The following JAK1 variants were observed in gnomAD, a reference collection of about 807,000 sequenced individuals.
The protein encoded by JAK1 is tyrosine-protein kinase JAK1.
JAK1 carries 16 observed loss-of-function variants against 136.6 expected under a neutral mutation model. The observed-to-expected ratio is 0.12, with a 90% CI of 0.08 to 0.18. The LOEUF (loss-of-function observed/expected upper bound fraction) is 0.18, where lower values mean the gene tolerates loss of function less well. JAK1 is among the 10% of genes least tolerant of loss of function. The pLI is 1.00. For synonymous variants in JAK1, 492 were observed against 519.5 expected (o/e 0.95, Z 0.72); for missense variants, 859 against 1,450.1 (o/e 0.59, Z 6.62).
chr1:65,017,870 A>G (rs1279251853), intron 2 of JAK1, among the ~76,000 whole-genome samples: 1 of 151,112 alleles, frequency 6.6e-6, no homozygotes, highest in African/African-American at 2.4e-5. Flanking sequence ...GCTGGAGTTC[A>G]GTGGCAGGAT....
intron 2 of JAK1, among the ~76,000 whole-genome samples, chr1:65,012,700 G>A (rs960929787): frequency 1.3e-5 from 2 of 151,586 alleles, no homozygotes; most frequent in African/African-American, 4.9e-5. Context: ...GCTGAGGCAG[G>A]AGAATCACTT....
intron 1 of JAK1, chr1:64,942,343 C>A (rs1051567249): frequency 6.6e-6 from 1 of 152,140 alleles, no homozygotes; most frequent in Non-Finnish European, 1.5e-5. Context: ...CAATACATGA[C>A]ACTTTTGGCA....
chr1:65,017,794 A>C (rs1646902641), intron 2 of JAK1, among the ~76,000 whole-genome samples: 1 of 152,144 alleles, frequency 6.6e-6, no homozygotes, highest in South Asian at 2.1e-4. Context: ...TCATAGTGGA[A>C]AAAATTTTTA....
At chr1:65,004,994 G>C (rs190969369) in intron 2 of JAK1, among the ~76,000 whole-genome samples, 4 of 152,252 alleles carry the variant, frequency 2.6e-5, no homozygotes, top group Admixed American at 2.0e-4. Flanking sequence ...ATTTTAGTTT[G>C]ATAATCCACA....
intron 1 of JAK1, among the ~76,000 whole-genome samples, chr1:64,935,217 T>C (rs572872358): frequency 1.2e-4 from 18 of 152,212 alleles, no homozygotes; most frequent in Non-Finnish European, 2.5e-4. Flanking sequence ...TCATTCATAC[T>C]GAGAGGGTAT....
chr1:64,955,185 T>A (rs1031210979), intron 1 of JAK1, among the ~76,000 whole-genome samples: 6 of 152,144 alleles, frequency 3.9e-5, no homozygotes, highest in Non-Finnish European at 8.8e-5. Context: ...CTGGGAAAGG[T>A]GACATTACGA....
chr1:65,014,214 A>G (rs1013625995), intron 2 of JAK1, among the ~76,000 whole-genome samples: 6 of 152,302 alleles, frequency 3.9e-5, no homozygotes, highest in African/African-American at 1.2e-4. Flanking sequence ...GAGCACTAGA[A>G]GACCAGAGAT....
At chr1:64,867,283 T>G in intron 6 of JAK1, 75 bp from the exon 7 acceptor site, 1 of 1,108,522 alleles carries the variant, frequency 9.0e-7, no homozygotes, top group Non-Finnish European at 1.3e-6. Flanking sequence ...CAAATCTAAG[T>G]CCATGAATCC....
chr1:64,963,297 G>A (rs1413507955), intron 1 of JAK1, among the ~76,000 whole-genome samples: 4 of 152,146 alleles, frequency 2.6e-5, no homozygotes, highest in East Asian at 1.9e-4. Flanking sequence ...ATGGACAAGC[G>A]AGTAGAGCAT....
intron 1 of JAK1, among the ~76,000 whole-genome samples, chr1:65,053,600 C>T (rs1350193908): frequency 6.6e-6 from 1 of 152,214 alleles, no homozygotes; most frequent in African/African-American, 2.4e-5. Flanking sequence ...CCTGTAATCC[C>T]AGCACTTTGG....
intron 8 of JAK1, among the ~76,000 whole-genome samples, chr1:64,860,929 C>CGTGTGTGTGTGTGTGTGT (rs577274261): frequency 3.1e-4 from 15 of 48,500 alleles, no homozygotes; most frequent in Admixed American, 1.3e-3. Flanking sequence ...CCCCTGGGTC[C>CGTGTGTGTGTGTGTGTGT]GTGTGTGTGT....
chr1:65,050,393 T>C lies in JAK1; in HGVS notation c.-180-5811A>G, dbSNP rs114456219. ...AAAAGGTCTCTGAGGAATCAGTACTTAGCCAGAAACTGAAGGATAAGAGGT... is the reference window on the plus strand; with the variant it reads ...AAAAGGTCTCTGAGGAATCAGTACTCAGCCAGAAACTGAAGGATAAGAGGT... On this transcript the variant is annotated intron_variant, in intron 1 of 25. Transcript: ENST00000671954. Among the ~76,000 whole-genome samples, 122 of 152,304 alleles carry C rather than the reference T, an allele frequency of 8.0e-4. 1 individual carries two copies. The highest frequency in any genetic ancestry group is 2.9e-3 in the African/African-American group (121 of 41,558).
chr1:65,020,008 CT>C (rs992339046), intron 2 of JAK1, among the ~76,000 whole-genome samples: 2 of 151,886 alleles, frequency 1.3e-5, no homozygotes. Flanking sequence ...GGCAGATCAT[CT>C]GAGGTCAGAA....
chr1:65,033,198 A>G (rs980537767), intron 2 of JAK1, among the ~76,000 whole-genome samples: 1 of 152,182 alleles, frequency 6.6e-6, no homozygotes, highest in African/African-American at 2.4e-5. Flanking sequence ...TTTTAGAGAC[A>G]GACTCTTGTG....
At position 64,984,236 on chromosome 1, in the gene JAK1, G is replaced by A. The variant is rs1389865246; in HGVS notation, c.-78+60244C>T. Among the ~76,000 whole-genome samples, 1 of 152,138 alleles carries A rather than the reference G, an allele frequency of 6.6e-6. No individual in the cohort carries two copies. The highest frequency in any genetic ancestry group is 1.5e-5 in the Non-Finnish European group (1 of 68,032). ...TAAACCCTGTCTGCCTTCCCACAGT[G>A]TGTGTGTATCTGCTTCCTGGTAAGT... On this transcript the variant is annotated intron_variant, in intron 2 of 25. Transcript: ENST00000671954. The surrounding 1 kb of genome is among the most constrained non-coding windows in gnomAD (Gnocchi z 4.1).
chr1:64,940,625 A>G (rs887836096), intron 1 of JAK1, among the ~76,000 whole-genome samples: 1 of 151,984 alleles, frequency 6.6e-6, no homozygotes, highest in Admixed American at 6.6e-5. Flanking sequence ...CTCAATTTCA[A>G]TTTCTTAAAA....
At chr1:65,033,215 C>T (rs1213086201) in intron 2 of JAK1, among the ~76,000 whole-genome samples, 1 of 152,188 alleles carries the variant, frequency 6.6e-6, no homozygotes. Flanking sequence ...TGTGCTGTCA[C>T]TCTTGCGCTC....
At chr1:64,953,298 T>C (rs1346259378) in intron 1 of JAK1, among the ~76,000 whole-genome samples, 1 of 58,748 alleles carries the variant, frequency 1.7e-5, no homozygotes, top group Admixed American at 2.3e-4. Flanking sequence ...TTCACAAAAC[T>C]TCCTCTGTGA....
intron 2 of JAK1, among the ~76,000 whole-genome samples, chr1:65,030,822 G>A (rs763712111): frequency 5.9e-5 from 9 of 152,116 alleles, no homozygotes; most frequent in Admixed American, 2.0e-4. Flanking sequence ...GTGAGCCACC[G>A]CACCTGGCCT....
Sources: allele counts gnomAD v4.1 joint callset (sites outside exome capture counted in the v4.1 genomes callset), GRCh38; gene constraint gnomAD v4.1.1; non-coding constraint Gnocchi (gnomAD v3.1); transcripts MANE v1.5; gene names NCBI Gene and HGNC (gene_info 2026-07-23, HGNC 2026-07-21).